CSMD1: variants seen among roughly 807,000 people sequenced by gnomAD.
The protein encoded by CSMD1 is CUB and Sushi multiple domains 1, also known as CUB and sushi domain-containing protein 1.
Under a neutral mutation model 417.5 loss-of-function variants are expected in CSMD1, and 213 were observed. The ratio of observed to expected loss-of-function variants is 0.51; its 90% CI spans 0.46 to 0.57. The LOEUF (loss-of-function observed/expected upper bound fraction) is 0.57, where lower values mean the gene tolerates loss of function less well. CSMD1 is among the 20% of genes least tolerant of loss of function. The pLI, the probability that CSMD1 is intolerant of heterozygous loss-of-function variation, is 0.00. For missense variants in CSMD1, 6,923 were observed against 4,529.7 expected (o/e 1.53, Z -15.17); for synonymous variants, 2,862 against 1,736.8 (o/e 1.65, Z -16.11).
At chr8:4,479,334 T>A (rs754202500) in intron 2 of CSMD1, among the ~76,000 whole-genome samples, 12 of 152,188 alleles carry the variant, frequency 7.9e-5, no homozygotes, top group Non-Finnish European at 1.5e-4. Context: ...TTTTATACAG[T>A]TGAACAGCTG....
chr8:3,488,089 T>G (rs1297829753), intron 11 of CSMD1, among the ~76,000 whole-genome samples: 1 of 144,870 alleles, frequency 6.9e-6, no homozygotes, highest in Non-Finnish European at 1.5e-5. Flanking sequence ...ACTCATAGTA[T>G]TATTATTATT....
At chr8:3,742,208 C>T (rs1796841155) in intron 6 of CSMD1, among the ~76,000 whole-genome samples, 1 of 152,060 alleles carries the variant, frequency 6.6e-6, no homozygotes, top group Non-Finnish European at 1.5e-5. Flanking sequence ...GTGATCATTC[C>T]AATCTGGATG....
chr8:4,327,229 T>A (rs1312986924), intron 3 of CSMD1, among the ~76,000 whole-genome samples: 1 of 152,216 alleles, frequency 6.6e-6, no homozygotes, highest in African/African-American at 2.4e-5. Flanking sequence ...TATAGCTTAG[T>A]TTTCATTAGT....
intron 2 of CSMD1, among the ~76,000 whole-genome samples, chr8:4,545,458 G>A (rs537001546): frequency 6.6e-6 from 1 of 152,238 alleles, no homozygotes; most frequent in East Asian, 1.9e-4. Context: ...AATAGGAAGG[G>A]CTCGTTTACC....
In CSMD1 at chr8:3,111,605, G is replaced by C. The variant is rs553767526; in HGVS notation, c.6431-1270C>G. ...CCAGCACTTTGGGAGACTGAGGTGGGTGGATCACCTGAGGTCAGGAGTTTG... is the reference window on the plus strand; with the variant it reads ...CCAGCACTTTGGGAGACTGAGGTGGCTGGATCACCTGAGGTCAGGAGTTTG... On this transcript the variant is annotated intron_variant, in intron 42 of 69. Transcript: ENST00000635120. Among the ~76,000 whole-genome samples, 26 of 152,244 alleles carry C rather than the reference G, an allele frequency of 1.7e-4. No individual in the cohort carries two copies. The South Asian group carries it at 5.4e-3, about 32-fold the overall frequency.
intron 4 of CSMD1, among the ~76,000 whole-genome samples, chr8:4,028,165 G>C (rs916057860): frequency 1.3e-5 from 2 of 152,072 alleles, no homozygotes; most frequent in Non-Finnish European, 2.9e-5. Flanking sequence ...AAAAAATAAT[G>C]GGCATCTAGA....
At chr8:3,322,548 G>A (rs1281306746) in intron 23 of CSMD1, among the ~76,000 whole-genome samples, 1 of 152,166 alleles carries the variant, frequency 6.6e-6, no homozygotes, top group African/African-American at 2.4e-5. Flanking sequence ...AACTACCTAT[G>A]GAACTTTCTT....
chr8:3,488,897 T>C (rs1236362325), intron 11 of CSMD1, among the ~76,000 whole-genome samples: 1 of 152,160 alleles, frequency 6.6e-6, no homozygotes, highest in Non-Finnish European at 1.5e-5. Context: ...TTCTATTTGG[T>C]TTGATTTCTA....
chr8:3,823,443 G>A (rs1236985420), intron 5 of CSMD1, among the ~76,000 whole-genome samples: 1 of 152,096 alleles, frequency 6.6e-6, no homozygotes, highest in Non-Finnish European at 1.5e-5. Flanking sequence ...AGGAAAGGAA[G>A]TATAAAACGT....
intron 1 of CSMD1, among the ~76,000 whole-genome samples, chr8:4,946,022 G>A (rs961578624): frequency 5.9e-5 from 9 of 152,164 alleles, no homozygotes; most frequent in Non-Finnish European, 1.3e-4. Flanking sequence ...GGGCTCTTGT[G>A]AACATCAGAC....
chr8:3,236,040 C>T (rs1799135432), intron 26 of CSMD1, among the ~76,000 whole-genome samples: 1 of 150,760 alleles, frequency 6.6e-6, no homozygotes, highest in South Asian at 2.1e-4. Context: ...TCCTCAGTCT[C>T]CGGAGTAGCT....
At chr8:3,389,735 GAC>G (rs540597719) in intron 17 of CSMD1, among the ~76,000 whole-genome samples, 3 of 152,238 alleles carry the variant, frequency 2.0e-5, no homozygotes, top group African/African-American at 7.2e-5. Context: ...AGTGAAAAGA[GAC>G]AAACTGCGGT....
At chr8:4,069,009 G>C (rs1248044255) in intron 3 of CSMD1, among the ~76,000 whole-genome samples, 1 of 152,152 alleles carries the variant, frequency 6.6e-6, no homozygotes, top group Non-Finnish European at 1.5e-5. Context: ...TAACCCAGTA[G>C]TTGATTTTTA....
At chr8:4,415,581 G>C (rs906968372) in intron 3 of CSMD1, among the ~76,000 whole-genome samples, 4 of 152,232 alleles carry the variant, frequency 2.6e-5, no homozygotes. Flanking sequence ...CCAGTGTTCT[G>C]TTTGATTGTT....
At chr8:3,989,484 G>T (rs181123789) in intron 5 of CSMD1, among the ~76,000 whole-genome samples, 2 of 152,184 alleles carry the variant, frequency 1.3e-5, no homozygotes, top group Admixed American at 6.5e-5. Flanking sequence ...AAAAAACCTG[G>T]ATTCTCTTCT....
intron 10 of CSMD1, among the ~76,000 whole-genome samples, chr8:3,541,026 TG>T (rs1437952451): frequency 4.6e-5 from 7 of 152,206 alleles, no homozygotes; most frequent in African/African-American, 1.7e-4. Context: ...ATCCCATTAC[TG>T]GGTATATACC....
In CSMD1 at chr8:3,926,447, T is replaced by A. The variant is rs139593074; in HGVS notation, c.818+71456A>T. 1.1e-3 allele frequency among the ~76,000 whole-genome samples: 164 copies of A among 152,234 alleles called. 3 individuals are homozygous for A. The East Asian group carries it at 0.023, about 21-fold the overall frequency. ...TAGCTAATATAGAGTCTGTTATAAA[T>A]ATTTGTTGAATGAGTGAATACATGT... On this transcript the variant is annotated intron_variant, in intron 5 of 69. Transcript: ENST00000635120.
intron 5 of CSMD1, among the ~76,000 whole-genome samples, chr8:3,994,965 C>T (rs1225145002): frequency 6.6e-6 from 1 of 152,124 alleles, no homozygotes; most frequent in African/African-American, 2.4e-5. Flanking sequence ...CTCGCACCAC[C>T]CTCCTGGCTC....
At chr8:4,527,784 C>T (rs556607699) in intron 2 of CSMD1, among the ~76,000 whole-genome samples, 1 of 152,156 alleles carries the variant, frequency 6.6e-6, no homozygotes, top group Admixed American at 6.5e-5. Context: ...ATTCTTTTTA[C>T]TGATGAATCC....
Sources: gnomAD v4.1 joint callset for allele counts (sites outside exome capture counted in the v4.1 genomes callset) on GRCh38, gnomAD v4.1.1 for gene constraint, MANE v1.5 for transcripts, NCBI Gene and HGNC (gene_info 2026-07-23, HGNC 2026-07-21) for gene names.